The following EPB41L1 variants were observed in gnomAD, a reference collection of about 807,000 sequenced individuals.
The protein encoded by EPB41L1 is band 4.1-like protein 1.
A neutral mutation model predicts 97.8 loss-of-function variants in EPB41L1; 29 were observed. The observed-to-expected ratio is 0.30, with a 90% CI of 0.22 to 0.40. The LOEUF (loss-of-function observed/expected upper bound fraction) is 0.40, where lower values mean the gene tolerates loss of function less well. Ranked by LOEUF, EPB41L1 falls within the 10% of genes least tolerant of loss-of-function variation. The pLI is 1.00. For missense variants in EPB41L1, 812 were observed against 1,162.3 expected, an observed-to-expected ratio of 0.70 and a Z score of 4.38; for synonymous variants, 383 against 459.2, an observed-to-expected ratio of 0.83 and a Z score of 2.12.
chr20:36,211,265 T>C (rs2063115537), intron 15 of EPB41L1, among the ~76,000 whole-genome samples: 1 of 151,996 alleles, frequency 6.6e-6, no homozygotes, highest in Admixed American at 6.6e-5. Context: ...CACCCACCTG[T>C]AATCCCAACT....
At chr20:36,156,919 T>C (rs887927671) in intron 1 of EPB41L1, among the ~76,000 whole-genome samples, 4 of 152,168 alleles carry the variant, frequency 2.6e-5, no homozygotes, top group Admixed American at 1.3e-4. Context: ...TGGGCTTCTC[T>C]GTCCCATTTG....
chr20:36,105,604 G>A (rs1242091336), intron 1 of EPB41L1, among the ~76,000 whole-genome samples: 1 of 152,172 alleles, frequency 6.6e-6, no homozygotes, highest in Non-Finnish European at 1.5e-5. Flanking sequence ...TTGGCACAGA[G>A]GGCTATCCCA....
intron 21 of EPB41L1, among the ~76,000 whole-genome samples, chr20:36,227,824 T>A (rs1044771340): frequency 6.6e-6 from 1 of 152,316 alleles, no homozygotes; most frequent in South Asian, 2.1e-4. Flanking sequence ...ACCTTTTCCC[T>A]TCTCTCCCTG....
intron 2 of EPB41L1, among the ~76,000 whole-genome samples, chr20:36,134,771 A>G (rs948897529): frequency 2.0e-5 from 3 of 151,984 alleles, no homozygotes; most frequent in African/African-American, 7.3e-5. Flanking sequence ...AGGCAGAAGC[A>G]ATGGCTGCAC....
chr20:36,097,060 A>C (rs2057855159), intron 1 of EPB41L1, among the ~76,000 whole-genome samples: 1 of 152,260 alleles, frequency 6.6e-6, no homozygotes, highest in Admixed American at 6.5e-5. Flanking sequence ...GAGGCTCCTC[A>C]GGAGACACAG....
At chr20:36,101,582 G>A (rs996632675) in intron 1 of EPB41L1, among the ~76,000 whole-genome samples, 1 of 152,148 alleles carries the variant, frequency 6.6e-6, no homozygotes, top group African/African-American at 2.4e-5. Flanking sequence ...TTCAATTTGT[G>A]AAACACCTAA....
In EPB41L1 at chr20:36,194,192, G is replaced by C; in HGVS notation, c.1301-20G>C. ...GGGAGGGGTCTCACATGGTTGCCTG[G>C]CTATCTCCACCCACTTCAGCAGAGT... On this transcript the variant is annotated intron_variant, in intron 11 of 21. Coordinates refer to ENST00000338074, the MANE Select transcript of EPB41L1 (RefSeq NM_012156.2). The C allele has an allele frequency of 1.9e-6, 3 of 1,612,840 alleles. No homozygotes were observed. Among genetic ancestry groups the C allele is most frequent in the South Asian group, 2.2e-5 (2 of 91,004 alleles).
At chr20:36,150,789 G>C (rs1244258053), upstream of EPB41L1, 1 of 152,250 alleles carries the variant, frequency 6.6e-6, no homozygotes, top group Admixed American at 6.5e-5. Flanking sequence ...GCTGGGGTAC[G>C]TGCCTCCACT....
chr20:36,227,388 A>G (rs1476218244), intron 21 of EPB41L1, among the ~76,000 whole-genome samples: 1 of 152,166 alleles, frequency 6.6e-6, no homozygotes, highest in African/African-American at 2.4e-5. Flanking sequence ...AGCTAGAAAC[A>G]CCTTGGTAGC....
intron 2 of EPB41L1, among the ~76,000 whole-genome samples, chr20:36,116,368 GC>G (rs1311556806): frequency 2.5e-4 from 38 of 152,254 alleles, no homozygotes; most frequent in Admixed American, 2.5e-3. Flanking sequence ...GTGCTTTCAG[GC>G]CCCACAGAAG....
intron 14 of EPB41L1, among the ~76,000 whole-genome samples, chr20:36,198,505 G>A (rs930199217): frequency 3.3e-5 from 5 of 152,182 alleles, no homozygotes; most frequent in African/African-American, 7.2e-5. Flanking sequence ...AACACGGATC[G>A]GGGAGTGGTC....
At chr20:36,140,115 C>T (rs550401049) in intron 2 of EPB41L1, among the ~76,000 whole-genome samples, 19 of 151,814 alleles carry the variant, frequency 1.3e-4, no homozygotes, top group Admixed American at 4.6e-4. Flanking sequence ...AGTGCAGAAG[C>T]GCAATCTCTG....
intron 1 of EPB41L1, among the ~76,000 whole-genome samples, chr20:36,161,851 C>T (rs1489199068): frequency 1.3e-5 from 2 of 152,154 alleles, no homozygotes; most frequent in East Asian, 1.9e-4. Flanking sequence ...ACCTCAAACT[C>T]CCAGGCTCTA....
chr20:36,132,383 G>A (rs936748482), intron 2 of EPB41L1, among the ~76,000 whole-genome samples: 5 of 151,938 alleles, frequency 3.3e-5, no homozygotes, highest in African/African-American at 4.8e-5. Flanking sequence ...TATCTCCTCC[G>A]ATTCCCCCAA....
chr20:36,217,991 G>A (rs1355664842), intron 17 of EPB41L1, among the ~76,000 whole-genome samples: 1 of 152,206 alleles, frequency 6.6e-6, no homozygotes, highest in Non-Finnish European at 1.5e-5. Context: ...GGAGGTAGAA[G>A]CAGGCAGCTG....
chr20:36,129,635 G>A (rs897048645), intron 2 of EPB41L1, among the ~76,000 whole-genome samples: 1 of 152,042 alleles, frequency 6.6e-6, no homozygotes, highest in Non-Finnish European at 1.5e-5. Context: ...TCTCACTCTG[G>A]CCTGCCCTCA....
chr20:36,187,630 C>A, intron 7 of EPB41L1, 46 bp from the exon 8 acceptor site: 1 of 1,544,982 alleles, frequency 6.5e-7, no homozygotes, highest in Non-Finnish European at 8.9e-7. Context: ...CAGGACTAAA[C>A]CTGGGCCTTT....
At chr20:36,145,691 T>A (rs2059805911) in intron 2 of EPB41L1, among the ~76,000 whole-genome samples, 1 of 152,240 alleles carries the variant, frequency 6.6e-6, no homozygotes, top group South Asian at 2.1e-4. Flanking sequence ...TAGAAATGTC[T>A]GTAGTGATGA....
chr20:36,216,237 G>A (rs1569353449), intron 17 of EPB41L1, among the ~76,000 whole-genome samples: 2 of 152,204 alleles, frequency 1.3e-5, no homozygotes, highest in Non-Finnish European at 2.9e-5. Flanking sequence ...GGACATTTGA[G>A]TGAGCTATGC....
Sources: allele counts gnomAD v4.1 joint callset (sites outside exome capture counted in the v4.1 genomes callset), GRCh38; gene constraint gnomAD v4.1.1; transcripts MANE v1.5; gene names NCBI Gene and HGNC (gene_info 2026-07-23, HGNC 2026-07-21).